Variants in CFAP54 observed in about 807,000 individuals in gnomAD.
CFAP54 encodes cilia- and flagella-associated protein 54.
A neutral mutation model predicts 370.4 loss-of-function variants in CFAP54; 290 were observed. That is an observed-to-expected ratio of 0.78 (90% CI 0.71 to 0.86). The LOEUF is 0.86. Among genes scored for constraint, CFAP54 ranks in the 40% least tolerant of loss-of-function variants. The pLI is 0.00. For synonymous variants in CFAP54, 1,206 were observed against 1,236.5 expected (o/e 0.98, Z 0.52); for missense variants, 3,399 against 3,528.7 (o/e 0.96, Z 0.93).
chr12:96,680,666 C>T (rs1957259042), intron 40 of CFAP54, among the ~76,000 whole-genome samples: 2 of 151,080 alleles, frequency 1.3e-5, no homozygotes, highest in South Asian at 4.2e-4. Flanking sequence ...TGTTGTTGCC[C>T]ACCCCCCACA....
chr12:96,513,241 T>C (rs1047941491), intron 5 of CFAP54, among the ~76,000 whole-genome samples, 197 bp downstream of exon 5: 3 of 152,174 alleles, frequency 2.0e-5, no homozygotes, highest in African/African-American at 7.2e-5. Context: ...AAAATATAGA[T>C]GATTTAATGA....
At chr12:96,684,611 A>G in intron 40 of CFAP54, 37 bp from the exon 41 acceptor site, 1 of 1,513,342 alleles carries the variant, frequency 6.6e-7, no homozygotes, top group East Asian at 2.3e-5. Flanking sequence ...TTTTTCTAGG[A>G]ACTGACATTT....
rs987290140 is a variant in CFAP54, at chr12:96,855,475, T to C, written c.9172-5344T>C. Among the ~76,000 whole-genome samples the C allele has an allele frequency of 5.3e-5, 8 of 152,318 alleles. 1 individual carries two copies. In the East Asian group the frequency reaches 5.8e-4, roughly 11 times the overall value. On this transcript the variant is annotated intron_variant, in intron 66 of 67. Coordinates refer to ENST00000524981, the MANE Select transcript of CFAP54 (RefSeq NM_001306084.2). ...AAAAGAAGGTTAGTTACTTCCTAGATACAATGGGGGTACAGACACTGGATA... is the reference window on the plus strand; with the variant it reads ...AAAAGAAGGTTAGTTACTTCCTAGACACAATGGGGGTACAGACACTGGATA...
chr12:96,638,223 G>C (rs1956683142), intron 32 of CFAP54, among the ~76,000 whole-genome samples: 1 of 91,272 alleles, frequency 1.1e-5, no homozygotes, highest in African/African-American at 3.8e-5. Flanking sequence ...GTGTGTGTGT[G>C]TGTGTGTGTG....
Position 96,765,169 on chromosome 12 carries a change from A to G in CFAP54, c.8232A>G (p.Pro2744=). The G allele has an allele frequency of 6.5e-7, 1 of 1,542,732 alleles. No homozygotes were observed. Among genetic ancestry groups the G allele is most frequent in the African/African-American group, 1.3e-5 (1 of 74,526 alleles). The stretch of plus-strand genomic sequence containing the variant: ...ACCAAGTGGCATTACCAAATATCCC[A>G]GAATTTGCTGCTCTGGATCTTTTGT... ...KVNQVALPNI[P]EFAALDLLSS... The change falls in exon 60 of 68, where the codon CCA becomes CCG. Residue 2744 remains proline (P), a synonymous_variant. Transcript: ENST00000524981.
At chr12:96,868,755 T>C (rs2136470759) in intron 67 of CFAP54, among the ~76,000 whole-genome samples, 1 of 152,314 alleles carries the variant, frequency 6.6e-6, no homozygotes, top group South Asian at 2.1e-4. Flanking sequence ...CTTTTTTTTC[T>C]TTTAATTTTT....
At chr12:96,505,720 C>A (rs544404234) in intron 3 of CFAP54, among the ~76,000 whole-genome samples, 206 of 152,176 alleles carry the variant, frequency 1.4e-3, no homozygotes, top group African/African-American at 4.6e-3. Flanking sequence ...CCAGGCTGGT[C>A]TCGAACTCCT....
intron 66 of CFAP54, among the ~76,000 whole-genome samples, chr12:96,843,445 TC>T (rs1959247958): frequency 6.6e-6 from 1 of 152,158 alleles, no homozygotes; most frequent in Non-Finnish European, 1.5e-5. Context: ...TAATGGAATT[TC>T]CCCCTTTTCA....
At chr12:96,581,979 T>A (rs1405362972) in intron 22 of CFAP54, among the ~76,000 whole-genome samples, 1 of 152,150 alleles carries the variant, frequency 6.6e-6, no homozygotes, top group Non-Finnish European at 1.5e-5. Context: ...TTTACCTACA[T>A]CCATGATTAC....
intron 39 of CFAP54, among the ~76,000 whole-genome samples, chr12:96,666,165 G>A (rs1957077163): frequency 6.6e-6 from 1 of 152,128 alleles, no homozygotes; most frequent in South Asian, 2.1e-4. Context: ...GATGGAAAAA[G>A]GTTGTTTTGC....
chr12:96,763,420 G>GA (rs1958360439), intron 58 of CFAP54, among the ~76,000 whole-genome samples: 1 of 152,058 alleles, frequency 6.6e-6, no homozygotes, highest in Non-Finnish European at 1.5e-5. Context: ...TGTAATTTCT[G>GA]ATGCTGTTAC....
At chr12:96,821,733 G>C (rs1959037996) in intron 65 of CFAP54, among the ~76,000 whole-genome samples, 1 of 149,278 alleles carries the variant, frequency 6.7e-6, no homozygotes, top group Non-Finnish European at 1.5e-5. Context: ...CTCGATTCTG[G>C]GTTGTATCAG....
intron 50 of CFAP54, among the ~76,000 whole-genome samples, chr12:96,739,337 G>A (rs890433080): frequency 6.6e-6 from 1 of 152,106 alleles, no homozygotes; most frequent in Non-Finnish European, 1.5e-5. Flanking sequence ...CGACAGGGGA[G>A]GAGAATATAA....
intron 22 of CFAP54, among the ~76,000 whole-genome samples, chr12:96,586,293 T>A (rs1956075729): frequency 6.6e-6 from 1 of 152,104 alleles, no homozygotes; most frequent in Non-Finnish European, 1.5e-5. Context: ...CTTTGAGAAC[T>A]GCTGTTCTAA....
At position 96,623,848 on chromosome 12, in the gene CFAP54, T is replaced by C; in HGVS notation, c.3853T>C (p.Leu1285=). ...AAAGATAAATGAACAGCTGGCCTTG[T>C]TGGAGACACACCTACTCAAACTGAC... ...PEKINEQLAL[L]ETHLLKLTKQ... The change falls in exon 28 of 68, where the codon TTG becomes CTG. Residue 1285 remains leucine (L), a synonymous_variant. Transcript: ENST00000524981. 6.5e-7 allele frequency: 1 copy of C among 1,535,548 alleles called. No individual in the cohort carries two copies. Among genetic ancestry groups the C allele is most frequent in the Non-Finnish European group, 8.7e-7 (1 of 1,146,472 alleles).
intron 26 of CFAP54, among the ~76,000 whole-genome samples, chr12:96,604,165 T>G (rs1956275523): frequency 6.6e-6 from 1 of 152,116 alleles, no homozygotes; most frequent in Non-Finnish European, 1.5e-5. Context: ...TTGTTGATGT[T>G]GATGCTATTC....
chr12:96,742,707 T>C (rs1958066532), intron 52 of CFAP54, 121 bp downstream of exon 52: 1 of 994,980 alleles, frequency 1.0e-6, no homozygotes, highest in Admixed American at 3.1e-5. Flanking sequence ...GATCTGCTTA[T>C]AGAATTAAAA....
chr12:96,628,411 A>G (rs1592893402), intron 30 of CFAP54, among the ~76,000 whole-genome samples: 1 of 152,182 alleles, frequency 6.6e-6, no homozygotes, highest in Non-Finnish European at 1.5e-5. Context: ...AGATGGTGGC[A>G]AAGACTGTAG....
At chr12:96,729,071 G>C (rs1190063882) in intron 50 of CFAP54, among the ~76,000 whole-genome samples, 1 of 152,174 alleles carries the variant, frequency 6.6e-6, no homozygotes, top group Non-Finnish European at 1.5e-5. Flanking sequence ...GCCATGTGAG[G>C]TGTCAGTCTG....
Sources: allele counts gnomAD v4.1 joint callset (sites outside exome capture counted in the v4.1 genomes callset), GRCh38; gene constraint gnomAD v4.1.1; transcripts MANE v1.5; gene names NCBI Gene and HGNC (gene_info 2026-07-23, HGNC 2026-07-21).